SYNDIG1: variants seen among roughly 807,000 people sequenced by gnomAD.
SYNDIG1 encodes synapse differentiation-inducing gene protein 1.
In SYNDIG1, 9 loss-of-function variants were observed where a neutral mutation model predicts 19.4. The ratio of observed to expected loss-of-function variants is 0.46; its 90% CI spans 0.28 to 0.81. The LOEUF is 0.81. Among genes scored for constraint, SYNDIG1 ranks in the 30% least tolerant of loss-of-function variants. The pLI is 0.12. For synonymous variants in SYNDIG1, 141 were observed against 145.9 expected, an observed-to-expected ratio of 0.97 and a Z score of 0.24; for missense variants, 311 against 343.3, an observed-to-expected ratio of 0.91 and a Z score of 0.74.
chr20:24,665,226 C>T, intron 3 of SYNDIG1, 120 bp from the exon 4 acceptor site: 1 of 1,267,616 alleles, frequency 7.9e-7, no homozygotes, highest in Non-Finnish European at 1.1e-6. Flanking sequence ...CAGTTTCCCC[C>T]TCAGCCTTCT....
intron 2 of SYNDIG1, among the ~76,000 whole-genome samples, chr20:24,583,559 G>A (rs55720197): frequency 0.04 from 6,034 of 152,292 alleles, 379 homozygotes; most frequent in African/African-American, 0.14. Flanking sequence ...TGGCCCTGGC[G>A]TTTGGAAGAG....
At chr20:24,486,135 CA>C (rs2055949960) in intron 1 of SYNDIG1, among the ~76,000 whole-genome samples, 1 of 152,162 alleles carries the variant, frequency 6.6e-6, no homozygotes, top group Admixed American at 6.5e-5. Flanking sequence ...AAGGCCACAT[CA>C]CAGGGTAGGT....
intron 2 of SYNDIG1, among the ~76,000 whole-genome samples, chr20:24,569,718 C>T (rs533306368): frequency 9.2e-5 from 14 of 152,158 alleles, no homozygotes; most frequent in Admixed American, 6.5e-4. Flanking sequence ...AATACTGAAC[C>T]CCAGTTAATG....
intron 3 of SYNDIG1, among the ~76,000 whole-genome samples, chr20:24,593,318 C>G (rs1412822088): frequency 1.3e-5 from 2 of 152,124 alleles, no homozygotes; most frequent in Admixed American, 1.3e-4. Context: ...GTTCCTATGT[C>G]AGTTCATTTA....
intron 3 of SYNDIG1, among the ~76,000 whole-genome samples, chr20:24,654,336 A>C (rs1476236046): frequency 6.6e-6 from 1 of 152,184 alleles, no homozygotes; most frequent in African/African-American, 2.4e-5. Context: ...GGAAGTAGAA[A>C]GTGTCTTTCA....
intron 3 of SYNDIG1, among the ~76,000 whole-genome samples, chr20:24,663,186 G>A (rs142396135): frequency 1.2e-4 from 19 of 152,318 alleles, no homozygotes; most frequent in African/African-American, 3.8e-4. Context: ...GCCGAGTGAC[G>A]TTGCTGAAGG....
At chr20:24,488,530 C>T (rs765608449) in intron 1 of SYNDIG1, among the ~76,000 whole-genome samples, 7 of 152,222 alleles carry the variant, frequency 4.6e-5, no homozygotes, top group African/African-American at 7.2e-5. Context: ...TGCTTCAAGC[C>T]CTTCTGCAGG....
intron 3 of SYNDIG1, among the ~76,000 whole-genome samples, chr20:24,592,742 T>C (rs890443359): frequency 2.0e-5 from 3 of 152,142 alleles, no homozygotes; most frequent in African/African-American, 7.2e-5. Flanking sequence ...GCCTCCCAGG[T>C]AGCTGGGAAT....
At chr20:24,473,220 G>A (rs116761928) in intron 1 of SYNDIG1, among the ~76,000 whole-genome samples, 2,449 of 152,266 alleles carry the variant, frequency 0.016, 43 homozygotes, top group Admixed American at 0.054. Flanking sequence ...TAGCAAAACA[G>A]CCTCTTGTAT....
intron 3 of SYNDIG1, among the ~76,000 whole-genome samples, chr20:24,645,779 G>T (rs897875136): frequency 6.6e-6 from 1 of 152,200 alleles, no homozygotes; most frequent in African/African-American, 2.4e-5. Flanking sequence ...TGTATTCACA[G>T]GCTGAAAATG....
At chr20:24,591,644 G>T (rs2058513433) in intron 3 of SYNDIG1, among the ~76,000 whole-genome samples, 1 of 152,084 alleles carries the variant, frequency 6.6e-6, no homozygotes, top group African/African-American at 2.4e-5. Flanking sequence ...GAAGGAGAAT[G>T]GGGGGACAGT....
intron 3 of SYNDIG1, among the ~76,000 whole-genome samples, chr20:24,625,315 G>GT (rs1568695086): frequency 1.4e-4 from 21 of 150,886 alleles, no homozygotes; most frequent in Non-Finnish European, 2.8e-4. Context: ...GGCTAACCAG[G>GT]AGATAAAGAC....
chr20:24,613,194 A>G (rs1361912170), intron 3 of SYNDIG1, among the ~76,000 whole-genome samples: 1 of 152,180 alleles, frequency 6.6e-6, no homozygotes, highest in Non-Finnish European at 1.5e-5. Flanking sequence ...CATCCTGGTG[A>G]CGGCCATTCC....
chr20:24,480,321 A>T (rs1342087250), intron 1 of SYNDIG1, among the ~76,000 whole-genome samples: 1 of 152,214 alleles, frequency 6.6e-6, no homozygotes, highest in African/African-American at 2.4e-5. Context: ...AGCTTGACAG[A>T]ATTATTCAGA....
chr20:24,635,206 A>G (rs2059303598), intron 3 of SYNDIG1, among the ~76,000 whole-genome samples: 1 of 152,208 alleles, frequency 6.6e-6, no homozygotes, highest in Non-Finnish European at 1.5e-5. Flanking sequence ...GTGGTGACTC[A>G]TGAACACACG....
At chr20:24,489,338 A>G (rs1345893955) in intron 1 of SYNDIG1, among the ~76,000 whole-genome samples, 2 of 150,708 alleles carry the variant, frequency 1.3e-5, no homozygotes, top group Non-Finnish European at 3.0e-5. Flanking sequence ...ATATAGATTC[A>G]TGCACACACA....
intron 3 of SYNDIG1, among the ~76,000 whole-genome samples, chr20:24,628,466 G>GA (rs1212191119): frequency 1.3e-5 from 2 of 152,202 alleles, no homozygotes; most frequent in African/African-American, 4.8e-5. Flanking sequence ...TTATAGCAGA[G>GA]AAAATGAAAA....
At chr20:24,628,512 G>C (rs1178002809) in intron 3 of SYNDIG1, among the ~76,000 whole-genome samples, 1 of 152,220 alleles carries the variant, frequency 6.6e-6, no homozygotes, top group Admixed American at 6.5e-5. Context: ...TTACTGACTG[G>C]AGGAAAGCGT....
At chr20:24,495,614 A>G (rs1437369282) in intron 1 of SYNDIG1, 1 of 152,222 alleles carries the variant, frequency 6.6e-6, no homozygotes, top group African/African-American at 2.4e-5. Flanking sequence ...GCCAGAGAAC[A>G]TCCCCTTAGA....
Sources: gnomAD v4.1 joint callset for allele counts (sites outside exome capture counted in the v4.1 genomes callset) on GRCh38, gnomAD v4.1.1 for gene constraint, MANE v1.5 for transcripts, NCBI Gene and HGNC (gene_info 2026-07-23, HGNC 2026-07-21) for gene names.